PCSK6: variants seen among roughly 807,000 people sequenced by gnomAD.
PCSK6 encodes the protein paired basic amino acid cleaving enzyme 4.
PCSK6 carries 85 observed loss-of-function variants against 123.3 expected under a neutral mutation model. The observed-to-expected ratio is 0.69, with a 90% CI of 0.58 to 0.83. The LOEUF is 0.83. PCSK6 is among the 40% of genes least tolerant of loss of function. The pLI is 0.00. For synonymous variants in PCSK6, 508 were observed against 516.0 expected (o/e 0.98, Z 0.21); for missense variants, 1,191 against 1,282.3 (o/e 0.93, Z 1.09).
At chr15:101,436,849 C>G (rs1206380292) in intron 2 of PCSK6, among the ~76,000 whole-genome samples, 1 of 152,200 alleles carries the variant, frequency 6.6e-6, no homozygotes, top group Non-Finnish European at 1.5e-5. Context: ...AGAAAGCTGA[C>G]TGGTGAATTT....
At chr15:101,335,690 T>G (rs1318910083) in intron 13 of PCSK6, among the ~76,000 whole-genome samples, 1 of 152,242 alleles carries the variant, frequency 6.6e-6, no homozygotes, top group Non-Finnish European at 1.5e-5. Flanking sequence ...GTTGTTTACT[T>G]AAACAATCCC....
At chr15:101,380,332 C>A (rs750378473) in intron 11 of PCSK6, among the ~76,000 whole-genome samples, 2 of 152,204 alleles carry the variant, frequency 1.3e-5, no homozygotes, top group Non-Finnish European at 2.9e-5. Flanking sequence ...GCCGCCCTGA[C>A]GGGGACACGA....
chr15:101,383,397 G>A (rs1476251938), intron 10 of PCSK6, among the ~76,000 whole-genome samples: 4 of 127,522 alleles, frequency 3.1e-5, no homozygotes, highest in African/African-American at 6.1e-5. Flanking sequence ...GCAACAAGAC[G>A]AGACTCTGTC....
At chr15:101,428,115 T>A in intron 5 of PCSK6, 135 bp from the exon 6 acceptor site, 1 of 709,002 alleles carries the variant, frequency 1.4e-6, no homozygotes. Context: ...ATTTCCTGCA[T>A]CCCCTCTCAT....
At chr15:101,332,727 G>A (rs947364404) in intron 13 of PCSK6, among the ~76,000 whole-genome samples, 2 of 152,222 alleles carry the variant, frequency 1.3e-5, no homozygotes, top group African/African-American at 4.8e-5. Context: ...ACAGACACAG[G>A]AAAGACAGTG....
chr15:101,374,945 A>C (rs926643078), intron 11 of PCSK6, among the ~76,000 whole-genome samples: 3 of 150,760 alleles, frequency 2.0e-5, no homozygotes, highest in Admixed American at 6.6e-5. Context: ...AATTTTCCTC[A>C]CATGAAATTA....
chr15:101,488,942 G>A (rs952432259), intron 1 of PCSK6, among the ~76,000 whole-genome samples: 6 of 149,898 alleles, frequency 4.0e-5, no homozygotes, highest in Admixed American at 1.3e-4. Flanking sequence ...AGGGCAGAGG[G>A]GCCGCTCCCC....
chr15:101,403,221 T>C (rs1397189343), intron 6 of PCSK6, among the ~76,000 whole-genome samples: 1 of 128,214 alleles, frequency 7.8e-6, no homozygotes, highest in African/African-American at 3.0e-5. Flanking sequence ...AATTGAACAA[T>C]GAGAACACAT....
chr15:101,373,993 G>A (rs1248980472), intron 11 of PCSK6, among the ~76,000 whole-genome samples: 1 of 152,174 alleles, frequency 6.6e-6, no homozygotes, highest in African/African-American at 2.4e-5. Flanking sequence ...GCCATCTTCC[G>A]AGGACGCTAA....
intron 13 of PCSK6, among the ~76,000 whole-genome samples, chr15:101,343,312 AT>A (rs1425473919): frequency 6.6e-6 from 1 of 152,074 alleles, no homozygotes; most frequent in East Asian, 1.9e-4. Context: ...AGCTTATGGC[AT>A]TTTAATTTTC....
rs1032307537 is a variant in PCSK6, at chr15:101,380,722, G to A, written c.1532+1370C>T. Among the ~76,000 whole-genome samples, 23 of 152,280 alleles carry A rather than the reference G, an allele frequency of 1.5e-4. 1 individual carries two copies. The highest frequency in any genetic ancestry group is 3.8e-4 in the African/African-American group (16 of 41,560). On this transcript the variant is annotated intron_variant, in intron 11 of 21. Transcript: ENST00000611716. ...CACTCTCTGCACTCCTACCATATGC[G>A]AGCCCTCCACCAGACACATTTTTCT... is the stretch of plus-strand genomic sequence containing the variant.
At chr15:101,380,713 A>G (rs1162468961) in intron 11 of PCSK6, among the ~76,000 whole-genome samples, 1 of 152,196 alleles carries the variant, frequency 6.6e-6, no homozygotes. Context: ...CTGCACTCCT[A>G]CCATATGCGA....
chr15:101,333,266 T>C (rs2040407299), intron 13 of PCSK6, among the ~76,000 whole-genome samples: 1 of 152,232 alleles, frequency 6.6e-6, no homozygotes, highest in Non-Finnish European at 1.5e-5. Context: ...CAAGGACAGC[T>C]GCTCATGCTG....
intron 1 of PCSK6, among the ~76,000 whole-genome samples, chr15:101,457,381 A>AG (rs2057213912): frequency 6.6e-6 from 1 of 151,884 alleles, no homozygotes; most frequent in African/African-American, 2.4e-5. Flanking sequence ...CAAGGTTTCT[A>AG]GGGGGATAAA....
intron 13 of PCSK6, among the ~76,000 whole-genome samples, chr15:101,336,385 C>T (rs921258047): frequency 6.6e-6 from 1 of 152,206 alleles, no homozygotes; most frequent in Non-Finnish European, 1.5e-5. Context: ...CAGCTGTGTG[C>T]ATGTGTACCT....
intron 1 of PCSK6, among the ~76,000 whole-genome samples, chr15:101,467,241 C>T (rs1051037376): frequency 2.6e-4 from 40 of 151,334 alleles, no homozygotes; most frequent in African/African-American, 9.0e-4. Flanking sequence ...TGTGTACTAG[C>T]GGTCTTGTAT....
At chr15:101,464,596 T>C (rs1454223924) in intron 1 of PCSK6, among the ~76,000 whole-genome samples, 2 of 152,102 alleles carry the variant, frequency 1.3e-5, no homozygotes, top group African/African-American at 4.8e-5. Flanking sequence ...GAGCAGGCTG[T>C]GGTGGGGTCC....
rs147113193 is a variant in PCSK6, at chr15:101,403,625, G to A, written c.824-5049C>T. On this transcript the variant is annotated intron_variant, in intron 6 of 21. Transcript: ENST00000611716. ...CAAGAACAAGAACGTGACCCACTGG[G>A]GGCCTCTACTTCTGTGTCCTCCCTG... Among the ~76,000 whole-genome samples the A allele has an allele frequency of 1.3e-3, 203 of 152,222 alleles. 1 individual carries two copies. The highest frequency in any genetic ancestry group is 4.6e-3 in the African/African-American group (190 of 41,532).
At chr15:101,357,368 TCGATGCTGA>T (rs1404612813) in intron 13 of PCSK6, among the ~76,000 whole-genome samples, 1 of 152,234 alleles carries the variant, frequency 6.6e-6, no homozygotes, top group African/African-American at 2.4e-5. Context: ...GGCAGCTGAC[TCGATGCTGA>T]CGATGCTGAC....
Sources: gnomAD v4.1 joint callset for allele counts (sites outside exome capture counted in the v4.1 genomes callset) on GRCh38, gnomAD v4.1.1 for gene constraint, MANE v1.5 for transcripts, NCBI Gene and HGNC (gene_info 2026-07-23, HGNC 2026-07-21) for gene names.